Variants in AKAP12 observed in about 807,000 individuals in gnomAD.
AKAP12 encodes the protein A-kinase anchoring protein 12, also known as A-kinase anchor protein 12.
A neutral mutation model predicts 79.9 loss-of-function variants in AKAP12; 32 were observed. The ratio of observed to expected loss-of-function variants is 0.40; its 90% CI spans 0.30 to 0.54. The LOEUF (loss-of-function observed/expected upper bound fraction) is 0.54. Ranked by LOEUF, AKAP12 falls within the 20% of genes least tolerant of loss-of-function variation. The probability of loss-of-function intolerance (pLI) is 0.48; values close to 1 mark genes in which losing one functional copy is unlikely to be tolerated. For synonymous variants in AKAP12, 808 were observed against 857.0 expected (o/e 0.94, Z 1.00); for missense variants, 2,074 against 2,177.0 (o/e 0.95, Z 0.94).
intron 3 of AKAP12, among the ~76,000 whole-genome samples, chr6:151,331,331 AT>A (rs1217827987): frequency 2.0e-5 from 3 of 152,094 alleles, no homozygotes; most frequent in South Asian, 2.1e-4. Flanking sequence ...AAGTGTTATA[AT>A]TTTTTTTATA....
chr6:151,290,507 G>A (rs1776594394), intron 2 of AKAP12, among the ~76,000 whole-genome samples: 1 of 152,018 alleles, frequency 6.6e-6, no homozygotes, highest in Non-Finnish European at 1.5e-5. Context: ...TGACAATGAG[G>A]CCCTGAAGTT....
chr6:151,248,825 TA>T (rs1797123324), intron 2 of AKAP12, among the ~76,000 whole-genome samples: 1 of 151,878 alleles, frequency 6.6e-6, no homozygotes, highest in Non-Finnish European at 1.5e-5. Flanking sequence ...CCATCTCTAT[TA>T]AAAATACAAA....
At chr6:151,305,531 G>A (rs7744443) in intron 2 of AKAP12, among the ~76,000 whole-genome samples, 1 of 152,100 alleles carries the variant, frequency 6.6e-6, no homozygotes, top group African/African-American at 2.4e-5. Context: ...GTGGATGAAT[G>A]GCTGATGGGC....
chr6:151,247,016 C>T (rs1797087904), intron 2 of AKAP12, among the ~76,000 whole-genome samples: 1 of 152,082 alleles, frequency 6.6e-6, no homozygotes, highest in Non-Finnish European at 1.5e-5. Context: ...TGGTCTGGAC[C>T]TCCTGGACTG....
At chr6:151,322,042 T>C (rs935090804) in intron 3 of AKAP12, among the ~76,000 whole-genome samples, 1 of 151,650 alleles carries the variant, frequency 6.6e-6, no homozygotes, top group Non-Finnish European at 1.5e-5. Flanking sequence ...CCTGAGTAGC[T>C]GGGATTACAG....
chr6:151,324,263 C>T (rs1777467946), intron 3 of AKAP12: 2 of 985,422 alleles, frequency 2.0e-6, no homozygotes, highest in Non-Finnish European at 2.4e-6. Context: ...GCCCATCATT[C>T]CCTGTTCCCG....
At chr6:151,302,884 A>G (rs1294380548) in intron 2 of AKAP12, among the ~76,000 whole-genome samples, 1 of 152,176 alleles carries the variant, frequency 6.6e-6, no homozygotes, top group Non-Finnish European at 1.5e-5. Flanking sequence ...TACATACTCA[A>G]TGATATTTAG....
At chr6:151,247,320 C>T (rs1676567880) in intron 2 of AKAP12, among the ~76,000 whole-genome samples, 1 of 151,972 alleles carries the variant, frequency 6.6e-6, no homozygotes, top group Admixed American at 6.6e-5. Context: ...AGGATTGCTT[C>T]CACCCAGGAG....
At chr6:151,336,846 C>T (rs1048900136) in intron 3 of AKAP12, among the ~76,000 whole-genome samples, 2 of 152,154 alleles carry the variant, frequency 1.3e-5, no homozygotes, top group Non-Finnish European at 2.9e-5. Context: ...TTGTATGTTT[C>T]TTTGCCGTTT....
intron 2 of AKAP12, among the ~76,000 whole-genome samples, chr6:151,302,804 C>T (rs1168834048): frequency 3.3e-5 from 5 of 152,154 alleles, no homozygotes; most frequent in African/African-American, 4.8e-5. Flanking sequence ...ATGTAGCCCA[C>T]GATAATATGT....
intron 2 of AKAP12, among the ~76,000 whole-genome samples, chr6:151,287,530 G>C (rs1485125124): frequency 6.6e-6 from 1 of 152,126 alleles, no homozygotes; most frequent in Admixed American, 6.6e-5. Context: ...GAAAGTGCTA[G>C]GATTACAGGC....
chr6:151,294,615 A>T (rs1056363594), intron 2 of AKAP12, among the ~76,000 whole-genome samples: 2 of 152,186 alleles, frequency 1.3e-5, no homozygotes, highest in African/African-American at 4.8e-5. Context: ...AATTGCTGTC[A>T]TTGGTAGGTG....
At chr6:151,327,308 A>G (rs1777553300) in intron 3 of AKAP12, among the ~76,000 whole-genome samples, 2 of 152,128 alleles carry the variant, frequency 1.3e-5, no homozygotes. Context: ...TCGACCCCCA[A>G]GTTGACTTGG....
rs746811837 is a variant in AKAP12 at position 151,349,501 on chromosome 6, A to G, written c.1110A>G (p.Leu370=). 2.2e-5 allele frequency: 36 copies of G among 1,609,254 alleles called. No individual in the cohort carries two copies. In the East Asian group the frequency reaches 7.6e-4, roughly 34 times the overall value. ...EPAESAHEPR[L]SAEYEKVELP... The stretch of plus-strand genomic sequence containing the variant: ...CAGAAAGTGCCCACGAGCCCCGGTT[A>G]TCAGCTGAATATGAGAAAGTTGAGC... The change falls in exon 4 of 5, where the codon TTA becomes TTG. Residue 370 remains leucine (L), a synonymous_variant. Transcript: ENST00000402676.
At chr6:151,263,501 C>G (rs558274727) in intron 2 of AKAP12, among the ~76,000 whole-genome samples, 50 of 152,328 alleles carry the variant, frequency 3.3e-4, no homozygotes, top group African/African-American at 1.2e-3. Flanking sequence ...ATCCATTCAA[C>G]AGATAATAAT....
intron 3 of AKAP12, among the ~76,000 whole-genome samples, chr6:151,310,900 T>C (rs1489042955): frequency 6.6e-6 from 1 of 152,202 alleles, no homozygotes; most frequent in Non-Finnish European, 1.5e-5. Flanking sequence ...AAAACCAGCT[T>C]TTCTCCAACC....
chr6:151,283,912 T>C (rs544618580), intron 2 of AKAP12, among the ~76,000 whole-genome samples: 5 of 152,178 alleles, frequency 3.3e-5, no homozygotes, highest in Non-Finnish European at 7.3e-5. Flanking sequence ...CCTGGCTTCA[T>C]TTCTCCCCTG....
chr6:151,354,534 C>T (rs1327899144), intron 4 of AKAP12, among the ~76,000 whole-genome samples: 1 of 152,064 alleles, frequency 6.6e-6, no homozygotes, highest in African/African-American at 2.4e-5. Context: ...CCACCATACC[C>T]AGCTAATTTT....
chr6:151,262,768 A>C (rs1797463164), intron 2 of AKAP12, among the ~76,000 whole-genome samples: 1 of 152,150 alleles, frequency 6.6e-6, no homozygotes, highest in South Asian at 2.1e-4. Context: ...TGTAATTTTT[A>C]TCACAAAATA....
Sources: gnomAD v4.1 joint callset for allele counts (sites outside exome capture counted in the v4.1 genomes callset) on GRCh38, gnomAD v4.1.1 for gene constraint, MANE v1.5 for transcripts, NCBI Gene and HGNC (gene_info 2026-07-23, HGNC 2026-07-21) for gene names.